ARL15: variants seen among roughly 807,000 people sequenced by gnomAD.
ARL15 encodes the protein ARF like GTPase 15.
ARL15 carries 19 observed loss-of-function variants against 25.2 expected under a neutral mutation model. The ratio of observed to expected loss-of-function variants is 0.75; its 90% CI spans 0.53 to 1.10. The LOEUF (loss-of-function observed/expected upper bound fraction) is 1.10. ARL15 is among the 50% of genes least tolerant of loss of function. ARL15 has a pLI of 0.00. For missense variants in ARL15, 220 were observed against 246.0 expected (o/e 0.89, Z 0.71); for synonymous variants, 94 against 86.8 (o/e 1.08, Z -0.46).
intron 2 of ARL15, among the ~76,000 whole-genome samples, chr5:54,160,284 G>A (rs188577267): frequency 2.0e-5 from 3 of 152,164 alleles, no homozygotes; most frequent in Admixed American, 2.0e-4. Flanking sequence ...TCTCTTGTTG[G>A]CTTAACACAT....
chr5:53,933,233 G>C (rs373295160), intron 4 of ARL15, among the ~76,000 whole-genome samples: 5 of 152,252 alleles, frequency 3.3e-5, no homozygotes, highest in African/African-American at 1.2e-4. Context: ...TACTCTCTAA[G>C]AGAAGAGATT....
chr5:53,977,782 T>A (rs552483877), intron 4 of ARL15, among the ~76,000 whole-genome samples: 1 of 152,280 alleles, frequency 6.6e-6, no homozygotes, highest in Admixed American at 6.5e-5. Context: ...GTCAGGAGAA[T>A]CTGGTGCTCT....
chr5:53,972,637 A>G (rs1231017940), intron 4 of ARL15, among the ~76,000 whole-genome samples: 1 of 152,128 alleles, frequency 6.6e-6, no homozygotes, highest in Non-Finnish European at 1.5e-5. Context: ...AAAACATTAT[A>G]ATTATGACTT....
At chr5:54,187,350 T>A (rs25854) in intron 1 of ARL15, among the ~76,000 whole-genome samples, 96,050 of 151,946 alleles carry the variant, frequency 0.63, 30,895 homozygotes, top group East Asian at 0.98. Flanking sequence ...GGGAACCCTG[T>A]CTCCAAGTTC....
chr5:54,126,636 G>A (rs1451291848), intron 3 of ARL15, among the ~76,000 whole-genome samples: 1 of 152,148 alleles, frequency 6.6e-6, no homozygotes, highest in Non-Finnish European at 1.5e-5. Context: ...TAGGTCATGA[G>A]GGATTCACCA....
At chr5:54,267,634 CT>C (rs201448814) in intron 1 of ARL15, among the ~76,000 whole-genome samples, 1 of 151,506 alleles carries the variant, frequency 6.6e-6, no homozygotes, top group Admixed American at 6.6e-5. Flanking sequence ...AAAAACATTA[CT>C]TTTTTTAAAA....
chr5:54,005,333 G>T (rs969160256), intron 4 of ARL15, among the ~76,000 whole-genome samples: 20 of 152,316 alleles, frequency 1.3e-4, no homozygotes, highest in Admixed American at 6.5e-4. Context: ...GACCCAGAGA[G>T]CTCAATTGTT....
intron 4 of ARL15, among the ~76,000 whole-genome samples, chr5:53,963,306 T>C (rs772688377): frequency 2.6e-5 from 4 of 152,188 alleles, no homozygotes; most frequent in African/African-American, 9.6e-5. Context: ...AAAATACATC[T>C]TGAAAGCCTT....
intron 4 of ARL15, among the ~76,000 whole-genome samples, chr5:53,923,636 CA>C (rs769965658): frequency 6.6e-6 from 1 of 152,066 alleles, no homozygotes; most frequent in Non-Finnish European, 1.5e-5. Context: ...TTGAGCATGT[CA>C]AAATAAAAAT....
chr5:54,257,238 C>T (rs1168130543), intron 1 of ARL15, among the ~76,000 whole-genome samples: 2 of 152,184 alleles, frequency 1.3e-5, no homozygotes, highest in Admixed American at 6.5e-5. Flanking sequence ...ACACAAAAAA[C>T]GACCAAGCTG....
At chr5:54,064,794 G>A (rs936621542) in intron 4 of ARL15, among the ~76,000 whole-genome samples, 41 of 151,892 alleles carry the variant, frequency 2.7e-4, no homozygotes, top group African/African-American at 9.9e-4. Flanking sequence ...CGATCCTCAG[G>A]TAACAGGGGT....
chr5:54,188,225 A>C (rs1224340838), intron 1 of ARL15, among the ~76,000 whole-genome samples: 1 of 152,208 alleles, frequency 6.6e-6, no homozygotes. Flanking sequence ...CTTTCCCAAA[A>C]GGAAAAAAAC....
At position 54,096,194 on chromosome 5, in the gene ARL15, T is replaced by C. The variant is rs952853332; in HGVS notation, c.462+17008A>G. Among the ~76,000 whole-genome samples, 4 of 152,318 alleles carry C rather than the reference T, an allele frequency of 2.6e-5. No homozygotes were observed. The East Asian group carries it at 7.7e-4, about 29-fold the overall frequency. ...TTCATATTAATTTCAGTTCCTCCTCTGCACTCCTTAGTACTCTTTACATAT... is the reference window on the plus strand; with the variant it reads ...TTCATATTAATTTCAGTTCCTCCTCCGCACTCCTTAGTACTCTTTACATAT... On this transcript the variant is annotated intron_variant, in intron 4 of 4. Transcript: ENST00000504924.
chr5:54,146,068 G>A (rs1052435009), intron 3 of ARL15, among the ~76,000 whole-genome samples: 2 of 152,206 alleles, frequency 1.3e-5, no homozygotes, highest in Middle Eastern at 3.4e-3. Context: ...ACACCAGACT[G>A]TAATGCTTCT....
At chr5:54,055,184 C>T (rs545273364) in intron 4 of ARL15, among the ~76,000 whole-genome samples, 1 of 152,224 alleles carries the variant, frequency 6.6e-6, no homozygotes, top group South Asian at 2.1e-4. Flanking sequence ...TGGCCCTAGG[C>T]AACCACCAAT....
At chr5:54,055,641 G>A (rs530111273) in intron 4 of ARL15, among the ~76,000 whole-genome samples, 43 of 152,206 alleles carry the variant, frequency 2.8e-4, no homozygotes, top group African/African-American at 9.9e-4. Context: ...GATTATAGGC[G>A]TGAGCCACTG....
intron 4 of ARL15, among the ~76,000 whole-genome samples, chr5:53,898,738 C>G (rs946717150): frequency 5.3e-5 from 8 of 152,046 alleles, no homozygotes; most frequent in African/African-American, 1.9e-4. Flanking sequence ...CTCAACCTTC[C>G]AGGCTCAGGT....
chr5:53,905,590 A>G (rs1745222619), intron 4 of ARL15, among the ~76,000 whole-genome samples: 1 of 152,168 alleles, frequency 6.6e-6, no homozygotes, highest in Admixed American at 6.5e-5. Context: ...ACAATCTTCC[A>G]CACTACATTT....
intron 1 of ARL15, among the ~76,000 whole-genome samples, chr5:54,194,456 T>C (rs1755497253): frequency 6.6e-6 from 1 of 151,926 alleles, no homozygotes; most frequent in East Asian, 1.9e-4. Flanking sequence ...CAGAAGTATT[T>C]TGGCCCTAAA....
Sources: allele counts gnomAD v4.1 joint callset (sites outside exome capture counted in the v4.1 genomes callset), GRCh38; gene constraint gnomAD v4.1.1; transcripts MANE v1.5; gene names NCBI Gene and HGNC (gene_info 2026-07-23, HGNC 2026-07-21).